STK39: variants seen among roughly 807,000 people sequenced by gnomAD.
STK39 encodes the protein STE20/SPS1-related proline-alanine-rich protein kinase.
A neutral mutation model predicts 77.8 loss-of-function variants in STK39; 20 were observed. The observed-to-expected ratio is 0.26, with a 90% CI of 0.18 to 0.37. The LOEUF is 0.37. Among genes scored for constraint, STK39 ranks in the 10% least tolerant of loss-of-function variants. The probability of loss-of-function intolerance (pLI) is 1.00; values close to 1 mark genes in which losing one functional copy is unlikely to be tolerated. For synonymous variants in STK39, 246 were observed against 234.1 expected, an observed-to-expected ratio of 1.05 and a Z score of -0.47; for missense variants, 479 against 656.5, an observed-to-expected ratio of 0.73 and a Z score of 2.95.
At chr2:168,030,064 C>A (rs1010560441) in intron 14 of STK39, among the ~76,000 whole-genome samples, 1 of 151,590 alleles carries the variant, frequency 6.6e-6, no homozygotes, top group African/African-American at 2.4e-5. Context: ...CACGGTGAAA[C>A]CCCGTCTCTA....
chr2:168,089,472 T>C (rs1441639105), intron 10 of STK39, among the ~76,000 whole-genome samples: 2 of 152,212 alleles, frequency 1.3e-5, no homozygotes, highest in Admixed American at 6.5e-5. Flanking sequence ...GAAGGATAAG[T>C]TGCCTAATAA....
At chr2:168,096,325 T>G (rs1686666062) in intron 10 of STK39, among the ~76,000 whole-genome samples, 1 of 152,172 alleles carries the variant, frequency 6.6e-6, no homozygotes, top group African/African-American at 2.4e-5. Flanking sequence ...GACACTAAGT[T>G]CCAACCTGAC....
intron 10 of STK39, among the ~76,000 whole-genome samples, chr2:168,111,352 T>C (rs1166781008): frequency 1.3e-5 from 2 of 152,256 alleles, no homozygotes; most frequent in Non-Finnish European, 1.5e-5. Context: ...CTGAAAGTTA[T>C]TTTAATACAG....
intron 10 of STK39, among the ~76,000 whole-genome samples, chr2:168,097,199 A>G (rs1169321798): frequency 1.3e-5 from 2 of 152,246 alleles, no homozygotes; most frequent in African/African-American, 2.4e-5. Flanking sequence ...TTAGTCACTC[A>G]AATCCTTTAA....
At chr2:168,108,648 C>T (rs991684247) in intron 10 of STK39, among the ~76,000 whole-genome samples, 3 of 152,004 alleles carry the variant, frequency 2.0e-5, no homozygotes, top group Non-Finnish European at 4.4e-5. Flanking sequence ...AAAGGTCATT[C>T]CCCCCTTCAG....
Position 168,202,146 on chromosome 2 carries a change from A to G in STK39, c.209-20056T>C, listed in dbSNP as rs148325835. ...CATCAGAACCAACTGGGTTACTGTGACAAAGACAAATTCCCAGACTCAGCC... is the reference window on the plus strand; with the variant it reads ...CATCAGAACCAACTGGGTTACTGTGGCAAAGACAAATTCCCAGACTCAGCC... On this transcript the variant is annotated intron_variant, in intron 1 of 17. Transcript: ENST00000355999. Among the ~76,000 whole-genome samples the G allele has an allele frequency of 6.8e-4, 104 of 152,318 alleles. 1 individual carries two copies. In the East Asian group the frequency reaches 0.02, roughly 29 times the overall value.
At chr2:168,201,612 A>G (rs1396733323) in intron 1 of STK39, among the ~76,000 whole-genome samples, 1 of 152,200 alleles carries the variant, frequency 6.6e-6, no homozygotes, top group Non-Finnish European at 1.5e-5. Context: ...CTAGACACAA[A>G]TAATTTACGA....
At chr2:168,187,965 G>C (rs1330244947) in intron 1 of STK39, among the ~76,000 whole-genome samples, 1 of 152,100 alleles carries the variant, frequency 6.6e-6, no homozygotes, top group African/African-American at 2.4e-5. Context: ...TAAATGAGAA[G>C]CACAAAGTTG....
intron 16 of STK39, among the ~76,000 whole-genome samples, chr2:167,966,934 C>A (rs1054341032): frequency 2.0e-5 from 3 of 152,218 alleles, no homozygotes; most frequent in Non-Finnish European, 4.4e-5. Context: ...ATGCTAATTT[C>A]TTTTCCAGTA....
At chr2:168,095,180 C>T (rs1686630447) in intron 10 of STK39, among the ~76,000 whole-genome samples, 1 of 152,188 alleles carries the variant, frequency 6.6e-6, no homozygotes, top group Non-Finnish European at 1.5e-5. Flanking sequence ...TGCTTCTCTG[C>T]CTACAAGGCA....
At chr2:168,103,984 T>C (rs889904097) in intron 10 of STK39, among the ~76,000 whole-genome samples, 3 of 152,182 alleles carry the variant, frequency 2.0e-5, no homozygotes, top group Non-Finnish European at 4.4e-5. Context: ...GGTATGTGCA[T>C]AGAAACAGCT....
At chr2:168,157,684 C>T (rs1688470253) in intron 5 of STK39, among the ~76,000 whole-genome samples, 1 of 152,106 alleles carries the variant, frequency 6.6e-6, no homozygotes, top group Non-Finnish European at 1.5e-5. Context: ...GCCTCATGAT[C>T]TTATTACCTC....
intron 1 of STK39, among the ~76,000 whole-genome samples, chr2:168,235,604 C>T (rs547151009): frequency 1.3e-3 from 140 of 109,600 alleles, no homozygotes; most frequent in African/African-American, 4.3e-3. Flanking sequence ...TCCCTCCCCC[C>T]TCCCCCCACC....
intron 10 of STK39, among the ~76,000 whole-genome samples, chr2:168,102,803 A>G (rs1282165826): frequency 3.3e-5 from 5 of 151,794 alleles, no homozygotes; most frequent in East Asian, 3.9e-4. Context: ...GGTGGTGGGC[A>G]CCTGTAGTCC....
In STK39 at chr2:168,058,269, T is replaced by C. The variant is rs1318579989; in HGVS notation, c.1376+5231A>G. 2.0e-5 allele frequency among the ~76,000 whole-genome samples: 3 copies of C among 152,226 alleles called. No homozygotes were observed. In the East Asian group the frequency reaches 5.8e-4, roughly 29 times the overall value. On this transcript the variant is annotated intron_variant, in intron 14 of 17. Transcript: ENST00000355999. ...AAATATACTTGACCTATTGATAGCA[T>C]TTGATGCAGCTTTTCACTCCTCCTT...
At chr2:168,245,198 T>C (rs548135756) in intron 1 of STK39, among the ~76,000 whole-genome samples, 5 of 152,310 alleles carry the variant, frequency 3.3e-5, no homozygotes, top group East Asian at 1.9e-4. Context: ...TTAAGCACCT[T>C]ACAAACTCAG....
intron 16 of STK39, among the ~76,000 whole-genome samples, chr2:167,974,212 G>A (rs7561003): frequency 0.56 from 84,388 of 151,974 alleles, 24,712 homozygotes; most frequent in African/African-American, 0.67. Context: ...CCCCCTATCA[G>A]TGAGTAAAAG....
At chr2:168,051,308 G>A (rs867503751) in intron 14 of STK39, among the ~76,000 whole-genome samples, 4 of 152,126 alleles carry the variant, frequency 2.6e-5, no homozygotes, top group African/African-American at 9.7e-5. Flanking sequence ...GCGACAGGAA[G>A]GATAACTTAA....
chr2:168,247,446 AG>A lies in STK39; in HGVS notation c.-12del. The stretch of plus-strand genomic sequence containing the variant: ...GCTCGGCTCCGCCATGATGCTGCGG[AG>A]GAGAGCAGGAGGACGCGCCGGCCGA... On this transcript the variant is annotated 5_prime_UTR_variant, in exon 1 of 18. Coordinates refer to ENST00000355999, the MANE Select transcript of STK39 (RefSeq NM_013233.3). The A allele has an allele frequency of 2.3e-6, 3 of 1,292,318 alleles. No individual in the cohort carries two copies. The South Asian group carries it at 5.3e-5, about 23-fold the overall frequency. The allele number at this position is 1,292,318 out of a possible 1,614,324, so 80.1% of individuals were successfully genotyped here.
Sources: gnomAD v4.1 joint callset for allele counts (sites outside exome capture counted in the v4.1 genomes callset) on GRCh38, gnomAD v4.1.1 for gene constraint, MANE v1.5 for transcripts, NCBI Gene and HGNC (gene_info 2026-07-23, HGNC 2026-07-21) for gene names.